Variants in NELL1 observed in about 807,000 individuals in gnomAD.
NELL1 encodes neural EGFL like 1.
Under a neutral mutation model 107.4 loss-of-function variants are expected in NELL1, and 76 were observed. That is an observed-to-expected ratio of 0.71 (90% CI 0.59 to 0.86). The LOEUF is 0.86. Among genes scored for constraint, NELL1 ranks in the 40% least tolerant of loss-of-function variants. NELL1 has a pLI of 0.00. For synonymous variants in NELL1, 353 were observed against 341.2 expected, an observed-to-expected ratio of 1.03 and a Z score of -0.38; for missense variants, 1,024 against 1,005.5, an observed-to-expected ratio of 1.02 and a Z score of -0.25.
chr11:21,527,270 A>G (rs1011439419), intron 15 of NELL1, among the ~76,000 whole-genome samples: 1 of 152,126 alleles, frequency 6.6e-6, no homozygotes, highest in African/African-American at 2.4e-5. Flanking sequence ...TGTCCATATC[A>G]CTATCAGCAT....
chr11:21,282,184 C>G (rs2133948657), intron 14 of NELL1, among the ~76,000 whole-genome samples: 1 of 152,084 alleles, frequency 6.6e-6, no homozygotes, highest in Non-Finnish European at 1.5e-5. Flanking sequence ...TAAAAATGAG[C>G]AAAAGATCTG....
chr11:20,961,241 T>A (rs1203106515), intron 12 of NELL1, among the ~76,000 whole-genome samples: 1 of 152,174 alleles, frequency 6.6e-6, no homozygotes. Flanking sequence ...GTGGTGAGCA[T>A]TGCATATATC....
intron 2 of NELL1, among the ~76,000 whole-genome samples, chr11:20,740,098 C>G (rs1296235429): frequency 6.6e-6 from 1 of 152,192 alleles, no homozygotes; most frequent in African/African-American, 2.4e-5. Context: ...GAATAGCCAA[C>G]ACTTATTGAG....
At chr11:21,063,704 G>T (rs1853799751) in intron 12 of NELL1, among the ~76,000 whole-genome samples, 1 of 152,188 alleles carries the variant, frequency 6.6e-6, no homozygotes, top group Admixed American at 6.5e-5. Flanking sequence ...AGAGCAAAAA[G>T]ACGAATTCAC....
intron 14 of NELL1, among the ~76,000 whole-genome samples, chr11:21,241,959 A>G (rs1858373759): frequency 6.9e-6 from 1 of 144,566 alleles, no homozygotes; most frequent in African/African-American, 2.5e-5. Flanking sequence ...GTTTACTTCC[A>G]AGGACATGTG....
intron 3 of NELL1, among the ~76,000 whole-genome samples, chr11:20,795,231 T>G (rs2133995339): frequency 6.6e-6 from 1 of 152,288 alleles, no homozygotes; most frequent in South Asian, 2.1e-4. Context: ...CCTAGGTAAC[T>G]GAGCCAATTG....
intron 15 of NELL1, among the ~76,000 whole-genome samples, chr11:21,438,976 G>C (rs573879787): frequency 4.7e-4 from 72 of 151,964 alleles, no homozygotes; most frequent in South Asian, 1.2e-3. Flanking sequence ...TGACTCATGA[G>C]AGGCAAGCCA....
chr11:21,218,885 G>A (rs968749900), intron 13 of NELL1, among the ~76,000 whole-genome samples: 2 of 152,038 alleles, frequency 1.3e-5, no homozygotes, highest in Non-Finnish European at 2.9e-5. Context: ...ATCCATTCTT[G>A]TATTGATGGA....
At chr11:20,677,572 A>G (rs1854089428) in intron 1 of NELL1, among the ~76,000 whole-genome samples, 1 of 152,192 alleles carries the variant, frequency 6.6e-6, no homozygotes, top group South Asian at 2.1e-4. Context: ...GTTGTACTTG[A>G]TTATGGGGTT....
chr11:21,052,109 G>A (rs2102791), intron 12 of NELL1, among the ~76,000 whole-genome samples: 60,007 of 151,512 alleles, frequency 0.4, 14,430 homozygotes, highest in African/African-American at 0.67. Flanking sequence ...TCTGGAGAAG[G>A]GTGTTTCAGG....
intron 12 of NELL1, among the ~76,000 whole-genome samples, chr11:21,049,276 G>T (rs530847594): frequency 1.3e-5 from 2 of 152,158 alleles, no homozygotes; most frequent in South Asian, 4.1e-4. Flanking sequence ...TTCCAGAATC[G>T]GAAGGAATAA....
chr11:20,991,172 A>G (rs1425292704), intron 12 of NELL1, among the ~76,000 whole-genome samples: 1 of 152,196 alleles, frequency 6.6e-6, no homozygotes, highest in African/African-American at 2.4e-5. Flanking sequence ...TACTAAGGGA[A>G]CACATGCCCT....
At chr11:21,173,636 G>T (rs1204440917) in intron 13 of NELL1, among the ~76,000 whole-genome samples, 1 of 151,856 alleles carries the variant, frequency 6.6e-6, no homozygotes, top group Non-Finnish European at 1.5e-5. Context: ...CTGTCTTCAA[G>T]AAGAGGCAAG....
chr11:20,797,042 G>A (rs907268697), intron 3 of NELL1, among the ~76,000 whole-genome samples: 2 of 152,190 alleles, frequency 1.3e-5, no homozygotes, highest in Non-Finnish European at 2.9e-5. Context: ...AGGTAAGGAA[G>A]AGGCAAGGTG....
At chr11:21,501,640 T>A (rs1855145319) in intron 15 of NELL1, among the ~76,000 whole-genome samples, 1 of 152,180 alleles carries the variant, frequency 6.6e-6, no homozygotes, top group South Asian at 2.1e-4. Flanking sequence ...TCCCATCTGT[T>A]CTAATTACTA....
intron 16 of NELL1, among the ~76,000 whole-genome samples, chr11:21,551,821 T>C (rs2133990811): frequency 1.3e-5 from 2 of 151,606 alleles, no homozygotes; most frequent in Middle Eastern, 6.8e-3. Context: ...CATGCTGCTT[T>C]AAAGACACAT....
chr11:21,366,309 A>T (rs1219595631), intron 14 of NELL1, among the ~76,000 whole-genome samples: 1 of 152,126 alleles, frequency 6.6e-6, no homozygotes, highest in Non-Finnish European at 1.5e-5. Flanking sequence ...AAGTCAGCTC[A>T]TTCTCAAGAA....
chr11:20,829,625 C>T (rs1408893433), intron 3 of NELL1, among the ~76,000 whole-genome samples: 2 of 152,032 alleles, frequency 1.3e-5, no homozygotes, highest in African/African-American at 4.8e-5. Context: ...TCTTGTCCAG[C>T]CCACATTTCA....
rs549870914 is a variant in NELL1 at position 20,975,914 on chromosome 11, T to C, written c.1300+15354T>C. On this transcript the variant is annotated intron_variant, in intron 12 of 19. Coordinates refer to ENST00000357134, the MANE Select transcript of NELL1 (RefSeq NM_006157.5). ...TATATATACATATATGTGTATTATA[T>C]AAACACACATATATGTACATATATG... is the stretch of plus-strand genomic sequence containing the variant. Among the ~76,000 whole-genome samples the C allele has an allele frequency of 2.1e-3, 283 of 134,050 alleles. 11 individuals are homozygous for C. In the East Asian group the frequency reaches 0.052, roughly 25 times the overall value. 87.9% of individuals were successfully genotyped at this position (134,050 alleles called of 152,430 possible). A position where few individuals can be genotyped will look rare whatever the true frequency, so the allele number is the denominator to read the frequency against.
Sources: gnomAD v4.1 joint callset for allele counts (sites outside exome capture counted in the v4.1 genomes callset) on GRCh38, gnomAD v4.1.1 for gene constraint, MANE v1.5 for transcripts, NCBI Gene and HGNC (gene_info 2026-07-23, HGNC 2026-07-21) for gene names.